The following DNAH7 variants were observed in gnomAD, a reference collection of about 807,000 sequenced individuals.
The protein encoded by DNAH7 is axonemal beta dynein heavy chain 7.
In DNAH7, 397 loss-of-function variants were observed where a neutral mutation model predicts 444.6. The observed-to-expected ratio is 0.89, with a 90% CI of 0.82 to 0.97. The LOEUF is 0.97. Among genes scored for constraint, DNAH7 ranks in the 50% least tolerant of loss-of-function variants. DNAH7 has a pLI of 0.00. For synonymous variants in DNAH7, 1,636 were observed against 1,624.4 expected (o/e 1.01, Z -0.17); for missense variants, 4,902 against 4,800.8 (o/e 1.02, Z -0.62).
intron 61 of DNAH7, among the ~76,000 whole-genome samples, chr2:195,769,894 T>G (rs983214967): frequency 2.0e-5 from 3 of 152,188 alleles, no homozygotes; most frequent in Non-Finnish European, 2.9e-5. Flanking sequence ...GACTTCCCTC[T>G]TGAACTCTAA....
chr2:196,067,161 T>C (rs962289206), intron 1 of DNAH7, among the ~76,000 whole-genome samples: 2 of 151,866 alleles, frequency 1.3e-5, no homozygotes, highest in African/African-American at 4.8e-5. Context: ...GGCTGGTGGG[T>C]TTTTTGTGGA....
intron 4 of DNAH7, 85 bp downstream of exon 4, chr2:196,048,211 C>T: frequency 8.3e-7 from 1 of 1,201,458 alleles, no homozygotes; most frequent in South Asian, 1.8e-5. Flanking sequence ...AGGTTTTGTA[C>T]TTCTATTACA....
intron 5 of DNAH7, among the ~76,000 whole-genome samples, chr2:196,030,354 T>C (rs1447823661): frequency 1.3e-5 from 2 of 152,090 alleles, no homozygotes; most frequent in Non-Finnish European, 2.9e-5. Flanking sequence ...CAACATGTGG[T>C]AATTATGGGA....
intron 19 of DNAH7, among the ~76,000 whole-genome samples, chr2:195,942,480 A>G (rs987132448): frequency 2.6e-5 from 4 of 151,714 alleles, no homozygotes; most frequent in Non-Finnish European, 2.9e-5. Context: ...GAGGAGGAGG[A>G]AGGAGGAAGA....
At chr2:196,049,113 T>C (rs1468021420) in intron 3 of DNAH7, among the ~76,000 whole-genome samples, 1 of 152,194 alleles carries the variant, frequency 6.6e-6, no homozygotes, top group Admixed American at 6.5e-5. Context: ...AATCTATATA[T>C]TTTTAGCACA....
intron 2 of DNAH7, among the ~76,000 whole-genome samples, chr2:196,054,719 G>C (rs990550443): frequency 6.6e-6 from 1 of 152,088 alleles, no homozygotes; most frequent in East Asian, 1.9e-4. Flanking sequence ...GAGGGACCTG[G>C]GTGGGAGGTA....
chr2:195,777,693 T>C (rs1190534043), intron 59 of DNAH7, 107 bp downstream of exon 59: 2 of 1,149,892 alleles, frequency 1.7e-6, no homozygotes, highest in Non-Finnish European at 2.5e-6. Flanking sequence ...CAGACAAGGG[T>C]AACAAAAAAA....
At position 195,960,829 on chromosome 2, in the gene DNAH7, G is replaced by A. The variant is rs774703431; in HGVS notation, c.2322C>T (p.Val774=). The A allele has an allele frequency of 1.1e-5, 18 of 1,613,910 alleles. No homozygotes were observed. The highest frequency in any genetic ancestry group is 2.2e-5 in the East Asian group (1 of 44,864). The part of the protein sequence containing the change: ...NPYLRLYETA[V]EFSSNYRAWT... ...ATGCTCTATAGTTGCTGCTAAATTC[G>A]ACAGCAGTTTCATAAAGACGAAGAT... is the stretch of plus-strand genomic sequence containing the variant. Residue 774 remains valine, a synonymous_variant, in exon 18 of 65, where the codon GTC becomes GTT. Coordinates refer to ENST00000312428, the MANE Select transcript of DNAH7 (RefSeq NM_018897.3).
At position 195,873,655 on chromosome 2, in the gene DNAH7, T is replaced by G; in HGVS notation, c.6326A>C (p.His2109Pro). Residue 2109 changes from histidine to proline, a missense_variant, in exon 39 of 65, where the codon CAT (histidine) becomes CCT (proline). By Grantham distance (77) the His-to-Pro change is moderately conservative (BLOSUM62 -2). Coordinates refer to ENST00000312428, the MANE Select transcript of DNAH7 (RefSeq NM_018897.3). ...CTCATTGATTGTTATAATATTGAAA[T>G]GTCGCATGTATCGAGGAGTTACTGG... ...RNPVTPRYMRHFNIITINEFS... is the reference protein window; with the variant it reads ...RNPVTPRYMRPFNIITINEFS... 1 of 1,536,110 alleles carries G rather than the reference T, an allele frequency of 6.5e-7. No individual in the cohort carries two copies. The highest frequency in any genetic ancestry group is 1.3e-5 in the South Asian group (1 of 75,780).
intron 19 of DNAH7, among the ~76,000 whole-genome samples, chr2:195,954,348 G>A (rs944461150): frequency 6.6e-6 from 1 of 152,118 alleles, no homozygotes; most frequent in Non-Finnish European, 1.5e-5. Flanking sequence ...CCCTACAAAG[G>A]ACATGAACTC....
intron 42 of DNAH7, among the ~76,000 whole-genome samples, chr2:195,859,164 T>G (rs1408564489): frequency 6.6e-6 from 1 of 152,232 alleles, no homozygotes; most frequent in Non-Finnish European, 1.5e-5. Flanking sequence ...ACACTACTGC[T>G]GCTTTAAACC....
At chr2:195,932,850 T>A (rs1297845148) in intron 21 of DNAH7, among the ~76,000 whole-genome samples, 2 of 152,190 alleles carry the variant, frequency 1.3e-5, no homozygotes, top group African/African-American at 2.4e-5. Flanking sequence ...TTTGCATCGA[T>A]GTTCATCAGG....
intron 14 of DNAH7, among the ~76,000 whole-genome samples, 164 bp from the exon 15 acceptor site, chr2:195,984,874 T>C (rs561726822): frequency 8.5e-5 from 13 of 152,344 alleles, no homozygotes; most frequent in African/African-American, 3.1e-4. Flanking sequence ...ATTTACTTAT[T>C]CAGTGCACAT....
At chr2:196,068,667 G>A (rs1428487989) in intron 1 of DNAH7, 30 bp downstream of exon 1, 1 of 1,550,160 alleles carries the variant, frequency 6.5e-7, no homozygotes, top group Non-Finnish European at 8.7e-7. Flanking sequence ...TCGCGGCGGC[G>A]GCGAGCCTGG....
chr2:196,008,126 T>C (rs7604095), intron 10 of DNAH7, among the ~76,000 whole-genome samples: 24,679 of 150,784 alleles, frequency 0.16, 3,207 homozygotes, highest in African/African-American at 0.36. Context: ...GAACAAAGGG[T>C]TTGAATAGAC....
intron 40 of DNAH7, among the ~76,000 whole-genome samples, chr2:195,865,906 G>A (rs1276553516): frequency 6.6e-6 from 1 of 152,066 alleles, no homozygotes; most frequent in East Asian, 1.9e-4. Context: ...TTTCTGTTGG[G>A]CAGCCCTTAT....
At chr2:195,923,486 C>G in intron 23 of DNAH7, 109 bp downstream of exon 23, 1 of 1,043,048 alleles carries the variant, frequency 9.6e-7, no homozygotes, top group Non-Finnish European at 1.4e-6. Context: ...CTGCCATCAG[C>G]AAAAGATCTC....
In DNAH7 at chr2:195,884,716, C is replaced by G. The variant is rs746570437; in HGVS notation, c.5632G>C (p.Glu1878Gln). The G allele has an allele frequency of 3.1e-6, 5 of 1,614,164 alleles. No individual in the cohort carries two copies. The East Asian group carries it at 6.7e-5, about 22-fold the overall frequency. The change falls in exon 35 of 65, where the codon GAA (glutamate) becomes CAA (glutamine). Residue 1878 changes from glutamate (E) to glutamine (Q), a missense_variant. Glu to Gln is a conservative substitution (Grantham distance 29). Coordinates refer to ENST00000312428, the MANE Select transcript of DNAH7 (RefSeq NM_018897.3). Reference protein sequence around the residue: ...KFNKILRELMESPISDRTRNT... With the variant: ...KFNKILRELMQSPISDRTRNT... ...CGAGTTCGATCTGAAATTGGACTTT[C>G]CATTAGTTCTCGAAGAATCTTATTA...
intron 21 of DNAH7, among the ~76,000 whole-genome samples, chr2:195,930,236 A>G (rs925536291): frequency 1.3e-5 from 2 of 152,162 alleles, no homozygotes; most frequent in African/African-American, 4.8e-5. Flanking sequence ...CCAGCCACTC[A>G]GGAGCTGAGA....
Sources: gnomAD v4.1 joint callset for allele counts (sites outside exome capture counted in the v4.1 genomes callset) on GRCh38, gnomAD v4.1.1 for gene constraint, MANE v1.5 for transcripts, NCBI Gene and HGNC (gene_info 2026-07-23, HGNC 2026-07-21) for gene names.